Variants in ANKFN1 observed in about 807,000 individuals in gnomAD.
ANKFN1 encodes the protein ankyrin repeat and fibronectin type-III domain-containing protein 1.
A neutral mutation model predicts 108.7 loss-of-function variants in ANKFN1; 74 were observed. The observed-to-expected ratio is 0.68, with a 90% CI of 0.56 to 0.83. The LOEUF (loss-of-function observed/expected upper bound fraction) is 0.83. Ranked by LOEUF, ANKFN1 falls within the 40% of genes least tolerant of loss-of-function variation. ANKFN1 has a pLI of 0.00. For missense variants in ANKFN1, 1,505 were observed against 1,382.3 expected (o/e 1.09, Z -1.41); for synonymous variants, 547 against 516.2 (o/e 1.06, Z -0.81).
intron 4 of ANKFN1, among the ~76,000 whole-genome samples, chr17:56,138,277 A>C (rs950556992): frequency 1.3e-5 from 2 of 152,204 alleles, no homozygotes; most frequent in African/African-American, 4.8e-5. Flanking sequence ...AGATCTCAAA[A>C]AAAGTCCATC....
intron 4 of ANKFN1, among the ~76,000 whole-genome samples, chr17:56,063,363 CT>C (rs1253288653): frequency 1.3e-5 from 2 of 151,796 alleles, no homozygotes; most frequent in South Asian, 2.1e-4. Context: ...TGTTTCCATT[CT>C]TCCCATTTCC....
intron 4 of ANKFN1, among the ~76,000 whole-genome samples, chr17:56,347,110 T>C (rs1236954147): frequency 2.0e-5 from 3 of 151,946 alleles, no homozygotes; most frequent in Non-Finnish European, 4.4e-5. Context: ...ATTCCACCCT[T>C]CCCTCTAATA....
At chr17:56,504,260 T>C (rs780183262) in intron 20 of ANKFN1, among the ~76,000 whole-genome samples, 11 of 152,214 alleles carry the variant, frequency 7.2e-5, no homozygotes, top group Non-Finnish European at 1.3e-4. Flanking sequence ...ATTCAAGCTC[T>C]TTTGTATCTC....
Position 56,080,502 on chromosome 17 carries a change from A to G in ANKFN1, c.288+34177A>G, listed in dbSNP as rs991147589. 2.0e-5 allele frequency among the ~76,000 whole-genome samples: 3 copies of G among 152,248 alleles called. No homozygotes were observed. In the South Asian group the frequency reaches 6.2e-4, roughly 32 times the overall value. Reference sequence around the variant, plus strand: ...TGTAAATAAAAGAGAAGCTTGTCCAAGATAATCGTTGAGTGGCACAAGGAT... The same window carrying G: ...TGTAAATAAAAGAGAAGCTTGTCCAGGATAATCGTTGAGTGGCACAAGGAT... On this transcript the variant is annotated intron_variant, in intron 4 of 12. Transcript: ENST00000635860.
chr17:56,106,356 T>A (rs1168613841), intron 4 of ANKFN1, among the ~76,000 whole-genome samples: 1 of 152,164 alleles, frequency 6.6e-6, no homozygotes, highest in East Asian at 1.9e-4. Flanking sequence ...GAGATGAGTG[T>A]TGTGAAAGCA....
rs184250038 is a variant in ANKFN1 at position 56,362,981 on chromosome 17, C to T, written c.601+8935C>T. ...ATCCCAGCACTTTGGGAGGCCAAGG[C>T]GGGAGGATCATGAGGTCAGGAGACC... On this transcript the variant is annotated intron_variant, in intron 6 of 20. Transcript: ENST00000682825. 4.0e-3 allele frequency among the ~76,000 whole-genome samples: 615 copies of T among 152,174 alleles called. 3 individuals carry two copies. The highest frequency in any genetic ancestry group is 0.014 in the African/African-American group (586 of 41,530).
chr17:56,397,707 G>A (rs1051907133), intron 8 of ANKFN1, among the ~76,000 whole-genome samples: 3 of 152,174 alleles, frequency 2.0e-5, no homozygotes, highest in East Asian at 1.9e-4. Flanking sequence ...GAAGGATGAG[G>A]TCATTGTAAA....
intron 14 of ANKFN1, among the ~76,000 whole-genome samples, chr17:56,465,061 G>T (rs776456129): frequency 1.1e-4 from 17 of 152,020 alleles, no homozygotes; most frequent in Non-Finnish European, 2.2e-4. Flanking sequence ...CACAGAAACC[G>T]GCATATGCTA....
At chr17:56,220,423 T>G (rs943377040) in intron 2 of ANKFN1, among the ~76,000 whole-genome samples, 1 of 152,036 alleles carries the variant, frequency 6.6e-6, no homozygotes, top group Admixed American at 6.6e-5. Flanking sequence ...GGAGGCCAAC[T>G]TGGCAGGTGG....
At chr17:56,151,059 G>T (rs1259266854), upstream of ANKFN1, among the ~76,000 whole-genome samples, 1 of 152,206 alleles carries the variant, frequency 6.6e-6, no homozygotes, top group Non-Finnish European at 1.5e-5. Flanking sequence ...CACTAGGGAA[G>T]TTGTGGCTGA....
chr17:56,439,310 C>T (rs1207816647), intron 8 of ANKFN1, among the ~76,000 whole-genome samples: 1 of 152,064 alleles, frequency 6.6e-6, no homozygotes, highest in Admixed American at 6.6e-5. Flanking sequence ...GAAACAGAGG[C>T]CTTGCTTCCC....
chr17:56,150,208 C>A (rs553864603), upstream of ANKFN1, among the ~76,000 whole-genome samples: 6 of 152,172 alleles, frequency 3.9e-5, no homozygotes, highest in South Asian at 1.2e-3. Context: ...TGTGGTCCAC[C>A]AATATGTAAT....
chr17:56,176,619 A>G (rs1248198696), intron 1 of ANKFN1, among the ~76,000 whole-genome samples: 1 of 152,164 alleles, frequency 6.6e-6, no homozygotes, highest in Non-Finnish European at 1.5e-5. Context: ...CTCAAAAGAC[A>G]TTAAATGAGA....
intron 4 of ANKFN1, among the ~76,000 whole-genome samples, chr17:56,103,853 T>C (rs1485745229): frequency 6.6e-6 from 1 of 152,118 alleles, no homozygotes; most frequent in Non-Finnish European, 1.5e-5. Context: ...CTTGGGGAAA[T>C]TGACAAAGTG....
intron 6 of ANKFN1, among the ~76,000 whole-genome samples, chr17:56,364,872 C>G (rs1268637832): frequency 6.6e-6 from 1 of 152,170 alleles, no homozygotes; most frequent in African/African-American, 2.4e-5. Flanking sequence ...ATCTCTAAAA[C>G]CTTTTTGGAA....
At chr17:56,389,249 T>C (rs1392351797) in intron 8 of ANKFN1, among the ~76,000 whole-genome samples, 4 of 152,204 alleles carry the variant, frequency 2.6e-5, no homozygotes, top group Non-Finnish European at 5.9e-5. Flanking sequence ...TATTTATACA[T>C]ACAACAATCT....
At position 56,466,523 on chromosome 17, in the gene ANKFN1, A is replaced by G; in HGVS notation, c.1725A>G (p.Ser575=). The change falls in exon 15 of 21, where the codon TCA becomes TCG. Residue 575 remains serine (S), a synonymous_variant. Coordinates refer to ENST00000682825, the MANE Select transcript of ANKFN1 (RefSeq NM_001370326.1). The stretch of plus-strand genomic sequence containing the variant: ...TGCAAAGCCAGAGAAAGTCTCTATC[A>G]ACACCTGAGGAGCCAACAGCTTTAG... ...SKLQSQRKSL[S]TPEEPTALDI... 1 of 1,613,976 alleles carries G rather than the reference A, an allele frequency of 6.2e-7. No homozygotes were observed. The highest frequency in any genetic ancestry group is 1.3e-5 in the African/African-American group (1 of 75,054).
chr17:56,075,045 T>C (rs1423271708), intron 4 of ANKFN1, among the ~76,000 whole-genome samples: 1 of 152,192 alleles, frequency 6.6e-6, no homozygotes, highest in Non-Finnish European at 1.5e-5. Context: ...AAAAATGATA[T>C]GGAACTTACT....
At chr17:56,156,329 C>T (rs2143471025) in intron 1 of ANKFN1, among the ~76,000 whole-genome samples, 1 of 152,292 alleles carries the variant, frequency 6.6e-6, no homozygotes, top group South Asian at 2.1e-4. Context: ...CTCAAGTGGT[C>T]CACCCACCTT....
Sources: gnomAD v4.1 joint callset for allele counts (sites outside exome capture counted in the v4.1 genomes callset) on GRCh38, gnomAD v4.1.1 for gene constraint, MANE v1.5 for transcripts, NCBI Gene and HGNC (gene_info 2026-07-23, HGNC 2026-07-21) for gene names.